The following NAPSA variants were observed in gnomAD, a reference collection of about 807,000 sequenced individuals.
NAPSA encodes the protein napsin A aspartic peptidase.
A neutral mutation model predicts 36.7 loss-of-function variants in NAPSA; 37 were observed. That is an observed-to-expected ratio of 1.01 (90% CI 0.78 to 1.33). The LOEUF (loss-of-function observed/expected upper bound fraction) is 1.33, where lower values mean the gene tolerates loss of function less well. NAPSA is among the 40% of genes most tolerant of loss of function. The pLI is 0.00. For synonymous variants in NAPSA, 222 were observed against 234.5 expected (o/e 0.95, Z 0.49); for missense variants, 532 against 543.8 (o/e 0.98, Z 0.21).
intron 1 of NAPSA, chr19:50,362,843 C>T (rs976656141): frequency 1.3e-5 from 2 of 152,230 alleles, no homozygotes; most frequent in African/African-American, 4.8e-5. Flanking sequence ...ACTGTATTTG[C>T]AAAAGCAGGA....
At chr19:50,365,910 A>C, upstream of NAPSA, 1 of 297,402 alleles carries the variant, frequency 3.4e-6, no homozygotes, top group Non-Finnish European at 6.3e-6. Flanking sequence ...CCCATCCTTC[A>C]GCTGCTGTCA....
rs151042743 is a variant in NAPSA at position 50,359,820 on chromosome 19, G to A, written c.711C>T (p.Gly237=). 37 of 1,614,084 alleles carry A rather than the reference G, an allele frequency of 2.3e-5. No individual in the cohort carries two copies. The highest frequency in any genetic ancestry group is 1.0e-4 in the Admixed American group (6 of 60,012). Residue 237 remains glycine, a synonymous_variant, in exon 6 of 9, where the codon GGC becomes GGT. Coordinates refer to ENST00000253719, the MANE Select transcript of NAPSA (RefSeq NM_004851.3). ...EPDGGELVLG[G]SDPAHYIPPL... ...GTGGGATGTAGTGTGCCGGGTCCGA[G>A]CCCCCCAGGACCAGCTCTCCTCCAT...
At chr19:50,362,865 T>C (rs2037496253) in intron 1 of NAPSA, 1 of 152,274 alleles carries the variant, frequency 6.6e-6, no homozygotes, top group Non-Finnish European at 1.5e-5. Context: ...GCAAACAGGA[T>C]TTGGCCCTTA....
chr19:50,359,327 A>G (rs764123070), intron 7 of NAPSA, 176 bp downstream of exon 7: 3 of 915,000 alleles, frequency 3.3e-6, no homozygotes, highest in Non-Finnish European at 3.3e-6. Context: ...CAGTGTAGAC[A>G]CGTGGAAAGT....
At chr19:50,359,209 C>A in intron 7 of NAPSA, 100 bp from the exon 8 acceptor site, 1 of 1,094,580 alleles carries the variant, frequency 9.1e-7, no homozygotes, top group Non-Finnish European at 1.4e-6. Flanking sequence ...TATTGAGCAC[C>A]TGGGTACTCA....
At chr19:50,368,030 C>T (rs1198366749), upstream of NAPSA, among the ~76,000 whole-genome samples, 2 of 151,644 alleles carry the variant, frequency 1.3e-5, no homozygotes, top group East Asian at 1.9e-4. Flanking sequence ...TGGTGGTCAG[C>T]GCCTGTAATC....
rs749905064 is a variant in NAPSA, at chr19:50,361,677, C to T, written c.454G>A (p.Glu152Lys). ...GTGRVDGILS[E>K]DKLTIGGIKG... Reference sequence around the variant, plus strand: ...AGGCCACTCACAGTCAGCTTGTCCTCGCTCAGGATTCCATCTACCCGCCCA... The same window carrying T: ...AGGCCACTCACAGTCAGCTTGTCCTTGCTCAGGATTCCATCTACCCGCCCA... Residue 152 changes from glutamate (E) to lysine (K), a missense_variant, in exon 4 of 9, where the codon GAG (glutamate) becomes AAG (lysine). By Grantham distance (56) the Glu-to-Lys change is moderately conservative (BLOSUM62 1). Around this residue, in one of 3 missense-constraint regions of NAPSA, gnomAD observed 385 missense variants for 371.5 expected, o/e 1.04. Coordinates refer to ENST00000253719, the MANE Select transcript of NAPSA (RefSeq NM_004851.3). The T allele has an allele frequency of 4.5e-5, 73 of 1,613,608 alleles. 1 individual carries two copies. In the South Asian group the frequency reaches 6.8e-4, roughly 15 times the overall value.
rs1303590192 is a variant in NAPSA, at chr19:50,358,617, C to T, written c.1199G>A (p.Arg400His). The change falls in exon 9 of 9, where the codon CGC (arginine) becomes CAC (histidine). Residue 400 changes from arginine (R) to histidine (H), a missense_variant. Arg to His is a conservative substitution (Grantham distance 29, BLOSUM62 0). Transcript: ENST00000253719. ...MKSSARVGLA[R>H]ARTRGADLGW... ...GAGGTCCGCTCCGCGAGTGCGAGCG[C>T]GCGCCAGGCCCACCCGGGCGCTGCT... is the stretch of plus-strand genomic sequence containing the variant. 6.2e-7 allele frequency: 1 copy of T among 1,612,422 alleles called. No individual in the cohort carries two copies. Among genetic ancestry groups the T allele is most frequent in the South Asian group, 1.1e-5 (1 of 91,006 alleles).
chr19:50,358,782 TGCAAG>T lies in NAPSA; in HGVS notation c.1036-7_1036-3del. On this transcript the variant is annotated splice_region_variant and splice_polypyrimidine_tract_variant and intron_variant, in intron 8 of 8. Transcript: ENST00000253719. Reference sequence around the variant, plus strand: ...GAGGCGGACGCCATTTCGAGTAGTCTGCAAGGCAACAAGACGACAACTGGGTGTCG... The same window carrying T: ...GAGGCGGACGCCATTTCGAGTAGTCTGCAACAAGACGACAACTGGGTGTCG... 5 of 1,606,460 alleles carry T rather than the reference TGCAAG, an allele frequency of 3.1e-6. No homozygotes were observed. The highest frequency in any genetic ancestry group is 4.2e-6 in the Non-Finnish European group (5 of 1,176,874).
intron 7 of NAPSA, 113 bp from the exon 8 acceptor site, chr19:50,359,222 G>A (rs1473859408): frequency 3.0e-6 from 3 of 989,528 alleles, no homozygotes; most frequent in Non-Finnish European, 1.5e-6. Flanking sequence ...GGTACTCAGC[G>A]TCCTGTGTGC....
At chr19:50,360,887 A>C in intron 5 of NAPSA, 54 bp downstream of exon 5, 1 of 1,532,506 alleles carries the variant, frequency 6.5e-7, no homozygotes, top group Non-Finnish European at 8.9e-7. Flanking sequence ...CTGAAGGAAG[A>C]CTCTCTTCCT....
upstream of NAPSA, chr19:50,365,686 C>A: frequency 7.3e-7 from 1 of 1,378,516 alleles, no homozygotes; most frequent in Non-Finnish European, 1.0e-6. Context: ...TGTGACTCCA[C>A]CCTGTTCATG....
rs1016471972 is a variant in NAPSA, at chr19:50,359,652, G to A, written c.792-5C>T. ...AGCCCTGGGCCCACCTTCACACTGAGGGGGAAGGAGGCAGTCATCAGAGGC... is the reference window on the plus strand; with the variant it reads ...AGCCCTGGGCCCACCTTCACACTGAAGGGGAAGGAGGCAGTCATCAGAGGC... On this transcript the variant is annotated splice_region_variant and splice_polypyrimidine_tract_variant and intron_variant, in intron 6 of 8. Transcript: ENST00000253719. The A allele has an allele frequency of 3.7e-6, 6 of 1,614,126 alleles. No homozygotes were observed. The highest frequency in any genetic ancestry group is 1.3e-5 in the African/African-American group (1 of 74,954).
chr19:50,368,505 A>G (rs561908181), upstream of NAPSA, among the ~76,000 whole-genome samples: 11 of 152,074 alleles, frequency 7.2e-5, no homozygotes, highest in Admixed American at 2.6e-4. Context: ...AGAAATAAAT[A>G]AATACATAAA....
At chr19:50,362,819 C>T (rs2123615127) in intron 1 of NAPSA, 1 of 152,582 alleles carries the variant, frequency 6.6e-6, no homozygotes, top group East Asian at 1.9e-4. Flanking sequence ...TATGCCCTGT[C>T]CGGGTTCCTT....
At position 50,362,229 on chromosome 19, in the gene NAPSA, C is replaced by T. The variant is rs771907517; in HGVS notation, c.168G>A (p.Leu56=). The T allele has an allele frequency of 1.1e-5, 17 of 1,613,952 alleles. No homozygotes were observed. In the Admixed American group the frequency reaches 2.8e-4, roughly 27 times the overall value. The change falls in exon 2 of 9, where the codon TTG becomes TTA. Residue 56 remains leucine (L), a synonymous_variant. Coordinates refer to ENST00000253719, the MANE Select transcript of NAPSA (RefSeq NM_004851.3). ...GCTTGTCCCCAGGGGATGGGGCCCC[C>T]AACTTGGGGAGCTCTGCTGGTTCTC... is the stretch of plus-strand genomic sequence containing the variant. The part of the protein sequence containing the change: ...GWREPAELPK[L]GAPSPGDKPI...
intron 5 of NAPSA, among the ~76,000 whole-genome samples, chr19:50,360,399 C>A (rs1399747889): frequency 6.6e-6 from 1 of 152,052 alleles, no homozygotes; most frequent in Non-Finnish European, 1.5e-5. Context: ...ACTGAGTGGG[C>A]ATAGGATTTT....
rs1037232291 is a variant in NAPSA, at chr19:50,358,597, C to A, written c.1219G>T (p.Asp407Tyr). ...TGCGCAGTCTCTCCCCATCCGAGGT[C>A]CGCTCCGCGAGTGCGAGCGCGCGCC... ...GLARARTRGA[D>Y]LGWGETAQAQ... Residue 407 changes from aspartate (D) to tyrosine (Y), a missense_variant, in exon 9 of 9, where the codon GAC becomes TAC. By Grantham distance (160) the Asp-to-Tyr change is radical. Around this residue, in one of 3 missense-constraint regions of NAPSA, gnomAD observed 385 missense variants for 371.5 expected, o/e 1.04. Coordinates refer to ENST00000253719, the MANE Select transcript of NAPSA (RefSeq NM_004851.3). 1.2e-6 allele frequency: 2 copies of A among 1,611,382 alleles called. No homozygotes were observed. Among genetic ancestry groups the A allele is most frequent in the African/African-American group, 2.7e-5 (2 of 74,896 alleles).
In NAPSA at chr19:50,365,625, T is replaced by G. The variant is rs747729899; in HGVS notation, c.-4A>C. Reference sequence around the variant, plus strand: ...GCAGCAGCGGTGGTGGAGACATCGCTGGGGACCTGGGTGTGAACCCAGGTG... The same window carrying G: ...GCAGCAGCGGTGGTGGAGACATCGCGGGGGACCTGGGTGTGAACCCAGGTG... On this transcript the variant is annotated 5_prime_UTR_variant, in exon 1 of 9. Coordinates refer to ENST00000253719, the MANE Select transcript of NAPSA (RefSeq NM_004851.3). The G allele has an allele frequency of 1.2e-6, 2 of 1,604,474 alleles. No individual in the cohort carries two copies.
Sources: allele counts gnomAD v4.1 joint callset (sites outside exome capture counted in the v4.1 genomes callset), GRCh38; gene constraint gnomAD v4.1.1; regional missense constraint gnomAD v4.1.1; transcripts MANE v1.5; gene names NCBI Gene and HGNC (gene_info 2026-07-23, HGNC 2026-07-21).